UGT2B7: variants seen among roughly 807,000 people sequenced by gnomAD.
The protein encoded by UGT2B7 is UDP glucuronosyltransferase family 2 member B7.
Under a neutral mutation model 51.9 loss-of-function variants are expected in UGT2B7, and 51 were observed. That is an observed-to-expected ratio of 0.98 (90% CI 0.78 to 1.24). The LOEUF is 1.24. Ranked by LOEUF, UGT2B7 falls within the 50% of genes most tolerant of loss-of-function variation. The pLI is 0.00. For missense variants in UGT2B7, 727 were observed against 628.4 expected, an observed-to-expected ratio of 1.16 and a Z score of -1.68; for synonymous variants, 225 against 211.6, an observed-to-expected ratio of 1.06 and a Z score of -0.55.
intron 1 of UGT2B7, among the ~76,000 whole-genome samples, chr4:69,065,185 T>A (rs1718458967): frequency 6.6e-6 from 1 of 152,156 alleles, no homozygotes; most frequent in African/African-American, 2.4e-5. Context: ...AATAGGTCTA[T>A]TCAGTGTATT....
intron 2 of UGT2B7, among the ~76,000 whole-genome samples, chr4:69,102,419 A>G (rs1215317065): frequency 2.0e-5 from 3 of 152,202 alleles, no homozygotes; most frequent in African/African-American, 7.2e-5. Flanking sequence ...GAACAACAAT[A>G]TAGAATTAAA....
At chr4:69,109,144 TAGTTGTTCACTTATC>T (rs1719699497) in intron 5 of UGT2B7, among the ~76,000 whole-genome samples, 1 of 152,172 alleles carries the variant, frequency 6.6e-6, no homozygotes, top group Non-Finnish European at 1.5e-5. Flanking sequence ...TGTCATATTT[TAGTTGTTCACTTATC>T]AGTTCATTGG....
At chr4:69,078,696 A>C (rs527307155) in intron 1 of UGT2B7, among the ~76,000 whole-genome samples, 67 of 152,238 alleles carry the variant, frequency 4.4e-4, no homozygotes, top group Non-Finnish European at 8.1e-4. Flanking sequence ...TTGACCTATC[A>C]GCCCTAATCT....
intron 3 of UGT2B7, among the ~76,000 whole-genome samples, 175 bp from the exon 4 acceptor site, chr4:69,107,000 C>G (rs1719619670): frequency 6.6e-6 from 1 of 151,884 alleles, no homozygotes; most frequent in Non-Finnish European, 1.5e-5. Context: ...TCCTTATATA[C>G]CTAACTAATT....
At chr4:69,107,292 T>C in intron 4 of UGT2B7, 30 bp downstream of exon 4, 1 of 1,571,074 alleles carries the variant, frequency 6.4e-7, no homozygotes, top group Non-Finnish European at 8.7e-7. Context: ...ATACTGAATA[T>C]ATTAGTAACA....
At chr4:69,057,545 A>G (rs1718233809) in intron 1 of UGT2B7, among the ~76,000 whole-genome samples, 1 of 152,250 alleles carries the variant, frequency 6.6e-6, no homozygotes, top group Admixed American at 6.5e-5. Flanking sequence ...ATCCATAAGA[A>G]TTAAAATCAG....
At chr4:69,107,718 C>A (rs1719645804) in intron 4 of UGT2B7, among the ~76,000 whole-genome samples, 1 of 152,156 alleles carries the variant, frequency 6.6e-6, no homozygotes, top group Non-Finnish European at 1.5e-5. Context: ...ACCTGTCCTT[C>A]CTCAATCCTA....
intron 1 of UGT2B7, among the ~76,000 whole-genome samples, chr4:69,076,865 T>C (rs924936666): frequency 6.6e-6 from 1 of 152,242 alleles, no homozygotes; most frequent in African/African-American, 2.4e-5. Context: ...CCCATGCCTA[T>C]GTCCTAAATA....
At chr4:69,089,976 A>G (rs1719049579) in intron 2 of UGT2B7, among the ~76,000 whole-genome samples, 1 of 152,190 alleles carries the variant, frequency 6.6e-6, no homozygotes, top group Non-Finnish European at 1.5e-5. Context: ...CTGATATTAC[A>G]AAGATAGAGA....
At chr4:69,055,811 T>C (rs1370562340) in intron 1 of UGT2B7, among the ~76,000 whole-genome samples, 1 of 152,184 alleles carries the variant, frequency 6.6e-6, no homozygotes, top group Non-Finnish European at 1.5e-5. Flanking sequence ...TTAGACAGTA[T>C]TGCATATCTA....
At chr4:69,098,298 C>A (rs575490640) in intron 1 of UGT2B7, among the ~76,000 whole-genome samples, 1 of 151,888 alleles carries the variant, frequency 6.6e-6, no homozygotes, top group Admixed American at 6.6e-5. Context: ...CATACTGATG[C>A]GACATTAGAG....
At chr4:69,067,306 G>A (rs978672453) in intron 1 of UGT2B7, 1 of 152,368 alleles carries the variant, frequency 6.6e-6, no homozygotes, top group Non-Finnish European at 1.5e-5. Context: ...TTGTTATCTA[G>A]AGAACACTGC....
Position 69,098,522 on chromosome 4 carries a change from T to G in UGT2B7, c.722-18T>G. The G allele has an allele frequency of 6.3e-7, 1 of 1,585,460 alleles. No individual in the cohort carries two copies. Among genetic ancestry groups the G allele is most frequent in the Non-Finnish European group, 8.5e-7 (1 of 1,172,738 alleles). ...ATTATCTTGTGTCATCCACCTTTTT[T>G]TTTTCTATTCCTGTCAGGAAGACCC... On this transcript the variant is annotated intron_variant, in intron 1 of 5. Coordinates refer to ENST00000305231, the MANE Select transcript of UGT2B7 (RefSeq NM_001074.4).
upstream of UGT2B7, among the ~76,000 whole-genome samples, chr4:69,095,280 A>T (rs780037181): frequency 1.1e-4 from 17 of 152,158 alleles, no homozygotes; most frequent in Admixed American, 2.6e-4. Context: ...ATAGATGGTG[A>T]TAGGCTGGAA....
intron 1 of UGT2B7, among the ~76,000 whole-genome samples, chr4:69,055,255 T>A (rs1297384947): frequency 6.6e-6 from 1 of 151,128 alleles, no homozygotes; most frequent in Admixed American, 6.6e-5. Flanking sequence ...AGTATATCTG[T>A]CAAGAATCAT....
At chr4:69,072,777 A>G (rs4694605) in intron 1 of UGT2B7, among the ~76,000 whole-genome samples, 65,222 of 151,958 alleles carry the variant, frequency 0.43, 15,560 homozygotes, top group African/African-American at 0.64. Flanking sequence ...AAGGAGGAAT[A>G]TTTACAGGAT....
chr4:69,086,699 C>G (rs1718967857), intron 1 of UGT2B7, among the ~76,000 whole-genome samples: 1 of 151,840 alleles, frequency 6.6e-6, no homozygotes, highest in African/African-American at 2.4e-5. Context: ...TTCTGTTGCT[C>G]TATGGAGCTC....
intron 1 of UGT2B7, among the ~76,000 whole-genome samples, chr4:69,054,897 G>A (rs796481379): frequency 6.6e-6 from 1 of 151,526 alleles, no homozygotes; most frequent in South Asian, 2.1e-4. Flanking sequence ...ACTGAGGTAG[G>A]AAAAAAGATT....
At chr4:69,097,706 G>C (rs62296959) in intron 1 of UGT2B7, among the ~76,000 whole-genome samples, 1 of 151,852 alleles carries the variant, frequency 6.6e-6, no homozygotes, top group South Asian at 2.1e-4. Context: ...TTACCAGAAG[G>C]TTTCCTTCAC....
Sources: allele counts gnomAD v4.1 joint callset (sites outside exome capture counted in the v4.1 genomes callset), GRCh38; gene constraint gnomAD v4.1.1; transcripts MANE v1.5; gene names NCBI Gene and HGNC (gene_info 2026-07-23, HGNC 2026-07-21).